The following ZBTB7C variants were observed in gnomAD, a reference collection of about 807,000 sequenced individuals.
The protein encoded by ZBTB7C is zinc finger and BTB domain containing 7C.
A neutral mutation model predicts 25.7 loss-of-function variants in ZBTB7C; 8 were observed. The ratio of observed to expected loss-of-function variants is 0.31; its 90% confidence interval spans 0.18 to 0.56. The LOEUF (loss-of-function observed/expected upper bound fraction) is 0.56. Among genes scored for constraint, ZBTB7C ranks in the 20% least tolerant of loss-of-function variants. The pLI, the probability that ZBTB7C is intolerant of heterozygous loss-of-function variation, is 0.91. For synonymous variants in ZBTB7C, 394 were observed against 369.0 expected, an observed-to-expected ratio of 1.07 and a Z score of -0.78; for missense variants, 824 against 855.2, an observed-to-expected ratio of 0.96 and a Z score of 0.46.
At chr18:48,075,802 C>T (rs2037740485) in intron 3 of ZBTB7C, among the ~76,000 whole-genome samples, 1 of 152,218 alleles carries the variant, frequency 6.6e-6, no homozygotes, top group Non-Finnish European at 1.5e-5. Context: ...AGAGGCCCCA[C>T]CTGCTCTGTC....
intron 3 of ZBTB7C, among the ~76,000 whole-genome samples, chr18:48,044,961 GA>G (rs1350119265): frequency 6.6e-6 from 1 of 152,264 alleles, no homozygotes; most frequent in Non-Finnish European, 1.5e-5. Context: ...ACAGAGACCT[GA>G]GCCTGCATCT....
At chr18:48,061,974 G>A (rs1212440836) in intron 3 of ZBTB7C, among the ~76,000 whole-genome samples, 2 of 152,156 alleles carry the variant, frequency 1.3e-5, no homozygotes, top group Non-Finnish European at 2.9e-5. Flanking sequence ...AGCAAGTGCC[G>A]ATGTGTGCTC....
At chr18:48,109,610 C>CCA (rs34913037) in intron 3 of ZBTB7C, among the ~76,000 whole-genome samples, 34,601 of 151,512 alleles carry the variant, frequency 0.23, 4,172 homozygotes, top group East Asian at 0.36. Context: ...GTTGCAACAA[C>CCA]CACACACACA....
rs1007363604 is a variant in ZBTB7C at position 48,409,277 on chromosome 18, G to C, written c.-355C>G. The C allele has an allele frequency of 6.7e-6, 1 of 149,648 alleles. No homozygotes were observed. The highest frequency in any genetic ancestry group is 2.1e-4 in the South Asian group (1 of 4,824). The allele number at this position is 149,648 out of a possible 1,614,324, so 9.3% of individuals were successfully genotyped here. On this transcript the variant is annotated 5_prime_UTR_variant, in exon 1 of 5. Coordinates refer to ENST00000590800, the MANE Select transcript of ZBTB7C (RefSeq NM_001318841.2). The stretch of plus-strand genomic sequence containing the variant: ...CTCCCGCACTTGGCTCCGGGACGCA[G>C]TCCTGGCGTCCTCCTTCGCCGCCGG...
chr18:48,224,722 TC>T lies in ZBTB7C; in HGVS notation c.-78-38728del, dbSNP rs1248662651. On this transcript the variant is annotated intron_variant, in intron 2 of 4. Transcript: ENST00000590800. Reference sequence around the variant, plus strand: ...AGACCCGTAAGGCCTTTTTCCCAATTCCATGAATTGGGAAGAATCACAGTTA... The same window carrying T: ...AGACCCGTAAGGCCTTTTTCCCAATTCATGAATTGGGAAGAATCACAGTTA... Among the ~76,000 whole-genome samples the T allele has an allele frequency of 3.3e-5, 5 of 152,240 alleles. No individual in the cohort carries two copies. In the East Asian group the frequency reaches 9.7e-4, roughly 29 times the overall value.
intron 2 of ZBTB7C, among the ~76,000 whole-genome samples, chr18:48,219,204 G>A (rs1185130155): frequency 6.6e-6 from 1 of 152,112 alleles, no homozygotes; most frequent in East Asian, 1.9e-4. Context: ...GGCAGCAGAA[G>A]TATATCGGAC....
intron 4 of ZBTB7C, among the ~76,000 whole-genome samples, chr18:48,035,480 G>A (rs2035933094): frequency 6.6e-6 from 1 of 152,258 alleles, no homozygotes; most frequent in African/African-American, 2.4e-5. Context: ...AGGGCTGGGG[G>A]AGGCAAGGGG....
chr18:48,249,113 G>T (rs1011987617), intron 2 of ZBTB7C, among the ~76,000 whole-genome samples: 2 of 152,184 alleles, frequency 1.3e-5, no homozygotes, highest in Non-Finnish European at 2.9e-5. Flanking sequence ...AACAGTTTTT[G>T]CTAACTGCTA....
At chr18:48,275,973 A>C (rs1317994489) in intron 2 of ZBTB7C, among the ~76,000 whole-genome samples, 1 of 152,202 alleles carries the variant, frequency 6.6e-6, no homozygotes, top group Non-Finnish European at 1.5e-5. Context: ...AAGGCATGGG[A>C]TCCTGGAAAT....
intron 2 of ZBTB7C, among the ~76,000 whole-genome samples, chr18:48,242,470 C>T (rs1279141454): frequency 1.3e-5 from 2 of 152,090 alleles, no homozygotes; most frequent in African/African-American, 4.8e-5. Context: ...TAACCAATTC[C>T]AACAGCAGAA....
rs2048144565 is a variant in ZBTB7C at position 48,400,985 on chromosome 18, GT to G, written c.-304+8240del. Reference sequence around the variant, plus strand: ...CCCAGGTGCTAATTGAGTAAGGAGTGTGCCCCCAGCAGTGACATCTGGATTC... The same window carrying G: ...CCCAGGTGCTAATTGAGTAAGGAGTGGCCCCCAGCAGTGACATCTGGATTC... On this transcript the variant is annotated intron_variant, in intron 1 of 4. Transcript: ENST00000590800. Among the ~76,000 whole-genome samples the G allele has an allele frequency of 5.9e-5, 9 of 152,266 alleles. No individual in the cohort carries two copies. In the South Asian group the frequency reaches 1.9e-3, roughly 32 times the overall value.
chr18:48,153,321 G>C (rs1209206143), intron 3 of ZBTB7C, among the ~76,000 whole-genome samples: 1 of 152,136 alleles, frequency 6.6e-6, no homozygotes, highest in Non-Finnish European at 1.5e-5. Flanking sequence ...TTACAGATGG[G>C]GTACTGAGGT....
At chr18:48,076,948 C>T in intron 3 of ZBTB7C, 1 of 985,208 alleles carries the variant, frequency 1.0e-6, no homozygotes, top group Non-Finnish European at 1.2e-6. Context: ...GGCTTTAACA[C>T]TTCTCCATAA....
intron 3 of ZBTB7C, among the ~76,000 whole-genome samples, chr18:48,152,509 A>C (rs2040710551): frequency 6.6e-6 from 1 of 152,236 alleles, no homozygotes; most frequent in Non-Finnish European, 1.5e-5. Flanking sequence ...TGAATAGAAC[A>C]AACAAATCTA....
upstream of ZBTB7C, among the ~76,000 whole-genome samples, chr18:48,412,207 T>C (rs1025152395): frequency 1.3e-5 from 2 of 152,236 alleles, no homozygotes; most frequent in Admixed American, 1.3e-4. Flanking sequence ...GAGCACATTG[T>C]AAATTGTCAA....
chr18:48,101,298 C>G (rs1270833629), intron 3 of ZBTB7C, among the ~76,000 whole-genome samples: 2 of 152,218 alleles, frequency 1.3e-5, no homozygotes, highest in African/African-American at 4.8e-5. Flanking sequence ...CCAGTACCAT[C>G]CAAAAGAAAT....
intron 3 of ZBTB7C, among the ~76,000 whole-genome samples, chr18:48,174,567 A>G (rs1219819505): frequency 1.3e-5 from 2 of 152,384 alleles, no homozygotes; most frequent in Non-Finnish European, 2.9e-5. Flanking sequence ...AATCCCAAGC[A>G]TATGAAACAC....
At chr18:48,045,077 G>A (rs1306837819) in intron 3 of ZBTB7C, among the ~76,000 whole-genome samples, 3 of 152,240 alleles carry the variant, frequency 2.0e-5, no homozygotes, top group Non-Finnish European at 2.9e-5. Context: ...GTAATGAGTG[G>A]CCCAGACTGC....
In ZBTB7C at chr18:48,090,698, C is replaced by T. The variant is rs368755466; in HGVS notation, c.-16-49575G>A. ...AGCCTTCACTTCCAGAAAAGTTGTC[C>T]GGCCAGGCACTTGGCTGCAGGATGG... On this transcript the variant is annotated intron_variant, in intron 3 of 4. Coordinates refer to ENST00000590800, the MANE Select transcript of ZBTB7C (RefSeq NM_001318841.2). Among the ~76,000 whole-genome samples, 367 of 148,538 alleles carry T rather than the reference C, an allele frequency of 2.5e-3. 2 individuals are homozygous for T. Among genetic ancestry groups the T allele is most frequent in the Middle Eastern group, 3.4e-3 (1 of 294 alleles).
Sources: gnomAD v4.1 joint callset for allele counts (sites outside exome capture counted in the v4.1 genomes callset) on GRCh38, gnomAD v4.1.1 for gene constraint, MANE v1.5 for transcripts, NCBI Gene and HGNC (gene_info 2026-07-23, HGNC 2026-07-21) for gene names.